The following SYNDIG1L variants were observed in gnomAD, a reference collection of about 807,000 sequenced individuals.
SYNDIG1L encodes the protein synapse differentiation-inducing gene protein 1-like.
Under a neutral mutation model 20.1 loss-of-function variants are expected in SYNDIG1L, and 13 were observed. That is an observed-to-expected ratio of 0.65 (90% confidence interval 0.42 to 1.03). The LOEUF (loss-of-function observed/expected upper bound fraction) is 1.03, where lower values mean the gene tolerates loss of function less well. SYNDIG1L is among the 50% of genes least tolerant of loss of function. The pLI, the probability that SYNDIG1L is intolerant of heterozygous loss-of-function variation, is 0.00. For synonymous variants in SYNDIG1L, 128 were observed against 129.3 expected, an observed-to-expected ratio of 0.99 and a Z score of 0.07; for missense variants, 294 against 305.1, an observed-to-expected ratio of 0.96 and a Z score of 0.27.
chr14:74,412,195 A>G (rs1156643666), intron 1 of SYNDIG1L, among the ~76,000 whole-genome samples: 1 of 152,220 alleles, frequency 6.6e-6, no homozygotes, highest in East Asian at 1.9e-4. Context: ...TGGGGAGCAC[A>G]GAGTGCCCAA....
At chr14:74,471,495 GA>G in the SYNDIG1L span, among the ~76,000 whole-genome samples, 3 of 152,050 alleles carry the variant, frequency 2.0e-5, no homozygotes, top group African/African-American at 7.3e-5. Context: ...CTACTTGGGG[GA>G]CTGAGGCTGG....
chr14:74,436,849 CAA>C, the SYNDIG1L span, among the ~76,000 whole-genome samples: 9 of 89,286 alleles, frequency 1.0e-4, no homozygotes, highest in Non-Finnish European at 1.1e-4. Context: ...AAACTCGTCT[CAA>C]AAAAAAAAAA....
At chr14:74,458,940 G>C in the SYNDIG1L span, among the ~76,000 whole-genome samples, 1 of 152,130 alleles carries the variant, frequency 6.6e-6, no homozygotes, top group African/African-American at 2.4e-5. Flanking sequence ...AGGGAAGTGT[G>C]CCTGTTTCGT....
the SYNDIG1L span, among the ~76,000 whole-genome samples, chr14:74,439,879 CAA>C: frequency 1.4e-4 from 14 of 101,878 alleles, no homozygotes; most frequent in Admixed American, 2.1e-4. Flanking sequence ...AACTCCATCT[CAA>C]AAAAAAAAAA....
chr14:74,426,990 C>T (rs1284690132), upstream of SYNDIG1L, among the ~76,000 whole-genome samples: 4 of 151,962 alleles, frequency 2.6e-5, no homozygotes, highest in African/African-American at 4.8e-5. Context: ...CATTGGCACT[C>T]AATAGGCACT....
chr14:74,429,935 G>A (rs2086291206), upstream of SYNDIG1L, among the ~76,000 whole-genome samples: 1 of 152,306 alleles, frequency 6.6e-6, no homozygotes, highest in Middle Eastern at 3.4e-3. Context: ...GGGGGGCTTT[G>A]GAAGTACATT....
chr14:74,411,945 T>C (rs2086134194), intron 1 of SYNDIG1L, among the ~76,000 whole-genome samples: 1 of 152,174 alleles, frequency 6.6e-6, no homozygotes, highest in Non-Finnish European at 1.5e-5. Context: ...TGGGCTGCCA[T>C]GGGCCTGAGG....
At position 74,407,812 on chromosome 14, in the gene SYNDIG1L, G is replaced by A. The variant is rs774399350; in HGVS notation, c.558+37C>T. The A allele has an allele frequency of 4.0e-5, 63 of 1,594,614 alleles. No homozygotes were observed. In the Admixed American group the frequency reaches 5.0e-4, roughly 13 times the overall value. On this transcript the variant is annotated intron_variant, in intron 3 of 3. Coordinates refer to ENST00000331628, the MANE Select transcript of SYNDIG1L (RefSeq NM_001105579.2). Reference sequence around the variant, plus strand: ...ATGCCAAGCCCTCCAGTAGAGTGACGGGCCAGAGAAGGGACCTGGGCCCCA... The same window carrying A: ...ATGCCAAGCCCTCCAGTAGAGTGACAGGCCAGAGAAGGGACCTGGGCCCCA...
chr14:74,415,747 C>T (rs775435629), intron 1 of SYNDIG1L, among the ~76,000 whole-genome samples: 1 of 151,952 alleles, frequency 6.6e-6, no homozygotes, highest in African/African-American at 2.4e-5. Flanking sequence ...TGCCATGTTT[C>T]CCAGGCTGTT....
chr14:74,425,273 C>T (rs7159627), intron 1 of SYNDIG1L, among the ~76,000 whole-genome samples: 2,228 of 152,316 alleles, frequency 0.015, 59 homozygotes, highest in African/African-American at 0.05. Flanking sequence ...TGACTCTTTG[C>T]CCTCATGCGC....
upstream of SYNDIG1L, among the ~76,000 whole-genome samples, chr14:74,430,733 C>T (rs1000620555): frequency 8.6e-5 from 13 of 151,708 alleles, no homozygotes; most frequent in Non-Finnish European, 1.6e-4. Context: ...ACATGCCCGG[C>T]CTAGCATTCT....
At chr14:74,457,678 G>T in the SYNDIG1L span, among the ~76,000 whole-genome samples, 1 of 151,914 alleles carries the variant, frequency 6.6e-6, no homozygotes. Context: ...CTATAGAAGG[G>T]GGGCAGCAAA....
At chr14:74,470,273 C>T in the SYNDIG1L span, among the ~76,000 whole-genome samples, 1 of 152,176 alleles carries the variant, frequency 6.6e-6, no homozygotes, top group Non-Finnish European at 1.5e-5. Context: ...AGCCTGGCCC[C>T]TGCTTCCAAG....
chr14:74,464,705 A>G, the SYNDIG1L span, among the ~76,000 whole-genome samples: 1 of 152,196 alleles, frequency 6.6e-6, no homozygotes, highest in East Asian at 1.9e-4. Flanking sequence ...TTAGCACGTA[A>G]CAATCCCCTC....
the SYNDIG1L span, among the ~76,000 whole-genome samples, chr14:74,471,613 CACAT>C: frequency 3.3e-5 from 5 of 151,740 alleles, no homozygotes; most frequent in African/African-American, 9.7e-5. Context: ...CACACACACA[CACAT>C]ACACACACAC....
At chr14:74,451,904 C>CACTT in the SYNDIG1L span, among the ~76,000 whole-genome samples, 18 of 144,502 alleles carry the variant, frequency 1.2e-4, no homozygotes, top group African/African-American at 4.6e-4. Context: ...GTGGGAGAAT[C>CACTT]ACTTGAACCC....
At chr14:74,473,363 C>T in the SYNDIG1L span, among the ~76,000 whole-genome samples, 8 of 151,866 alleles carry the variant, frequency 5.3e-5, no homozygotes, top group Non-Finnish European at 1.2e-4. Context: ...CTAGCCTGGG[C>T]GACAGAGTGA....
intron 1 of SYNDIG1L, among the ~76,000 whole-genome samples, chr14:74,412,243 C>T (rs953496207): frequency 4.6e-5 from 7 of 152,214 alleles, no homozygotes; most frequent in Non-Finnish European, 8.8e-5. Context: ...TGGCTGGGCT[C>T]CTCTGGGCAG....
the SYNDIG1L span, among the ~76,000 whole-genome samples, chr14:74,463,242 A>C: frequency 3.9e-3 from 595 of 152,096 alleles, no homozygotes; most frequent in Non-Finnish European, 5.6e-3. Context: ...CTAGCTAAAC[A>C]CTTCTTCCTT....
Sources: allele counts gnomAD v4.1 joint callset (sites outside exome capture counted in the v4.1 genomes callset), GRCh38; gene constraint gnomAD v4.1.1; transcripts MANE v1.5; gene names NCBI Gene and HGNC (gene_info 2026-07-23, HGNC 2026-07-21).